FRMD4A: variants seen among roughly 807,000 people sequenced by gnomAD.
The protein encoded by FRMD4A is FERM domain-containing protein 4A.
A neutral mutation model predicts 129.1 loss-of-function variants in FRMD4A; 29 were observed. That is an observed-to-expected ratio of 0.22 (90% CI 0.17 to 0.31). The LOEUF (loss-of-function observed/expected upper bound fraction) is 0.31, where lower values mean the gene tolerates loss of function less well. Ranked by LOEUF, FRMD4A falls within the 10% of genes least tolerant of loss-of-function variation. FRMD4A has a pLI of 1.00. For missense variants in FRMD4A, 1,272 were observed against 1,375.8 expected (o/e 0.92, Z 1.19); for synonymous variants, 634 against 571.6 (o/e 1.11, Z -1.56).
intron 2 of FRMD4A, among the ~76,000 whole-genome samples, chr10:14,076,472 C>T (rs531782397): frequency 8.5e-5 from 13 of 152,140 alleles, no homozygotes; most frequent in African/African-American, 3.1e-4. Flanking sequence ...GACCCTGTCT[C>T]TACTAAAAAT....
intron 2 of FRMD4A, among the ~76,000 whole-genome samples, chr10:14,241,682 C>CAAAAAAAAAAAAA (rs1844048288): frequency 2.5e-5 from 1 of 40,758 alleles, no homozygotes; most frequent in Non-Finnish European, 4.3e-5. Flanking sequence ...TTTACCCTCC[C>CAAAAAAAAAAAAA]TAAAAAAAAA....
intron 2 of FRMD4A, among the ~76,000 whole-genome samples, chr10:14,106,334 T>C (rs935842709): frequency 1.3e-5 from 2 of 152,248 alleles, no homozygotes; most frequent in Non-Finnish European, 2.9e-5. Context: ...TCATTTAATT[T>C]CTTTGCTTCC....
intron 2 of FRMD4A, among the ~76,000 whole-genome samples, chr10:14,115,158 C>T (rs561893802): frequency 6.6e-6 from 1 of 152,196 alleles, no homozygotes; most frequent in Non-Finnish European, 1.5e-5. Context: ...TAGAGCAGGT[C>T]ACCTTCAAAA....
intron 15 of FRMD4A, chr10:13,693,426 G>A: frequency 1.6e-5 from 12 of 768,242 alleles, no homozygotes; most frequent in Non-Finnish European, 2.0e-5. Flanking sequence ...GAGAAATCAT[G>A]CCCTGCGACA....
intron 2 of FRMD4A, among the ~76,000 whole-genome samples, chr10:14,245,142 C>T (rs1844186455): frequency 2.0e-5 from 3 of 152,180 alleles, no homozygotes; most frequent in Admixed American, 2.0e-4. Context: ...CACAACCACA[C>T]TTACGCTTGG....
intron 6 of FRMD4A, among the ~76,000 whole-genome samples, chr10:13,765,633 A>G (rs370684557): frequency 1.3e-5 from 2 of 152,284 alleles, no homozygotes; most frequent in African/African-American, 4.8e-5. Context: ...AGAATTGGGG[A>G]CAATAATTCC....
chr10:14,093,305 A>C (rs1432687296), intron 2 of FRMD4A, among the ~76,000 whole-genome samples: 1 of 152,220 alleles, frequency 6.6e-6, no homozygotes, highest in Non-Finnish European at 1.5e-5. Flanking sequence ...GTGCACTAAG[A>C]TTTTAGTGTC....
intron 2 of FRMD4A, among the ~76,000 whole-genome samples, chr10:14,178,507 C>A (rs1841807350): frequency 6.6e-6 from 1 of 152,132 alleles, no homozygotes; most frequent in African/African-American, 2.4e-5. Context: ...GATGACTGCA[C>A]CTTTTATGTC....
At chr10:14,010,121 G>C (rs1231123591) in intron 2 of FRMD4A, among the ~76,000 whole-genome samples, 1 of 141,562 alleles carries the variant, frequency 7.1e-6, no homozygotes, top group Non-Finnish European at 1.6e-5. Context: ...TGGGGTCGGT[G>C]GGGGGGACAA....
chr10:13,778,904 C>T (rs1450471581), intron 6 of FRMD4A, among the ~76,000 whole-genome samples: 2 of 152,272 alleles, frequency 1.3e-5, no homozygotes, highest in Non-Finnish European at 2.9e-5. Flanking sequence ...CACATGTATA[C>T]CTATGTAACA....
chr10:13,940,617 A>C (rs2095284044), intron 2 of FRMD4A, among the ~76,000 whole-genome samples: 1 of 152,138 alleles, frequency 6.6e-6, no homozygotes. Context: ...TGGCGCTATC[A>C]CTGCTTCTTC....
chr10:13,943,026 T>C (rs1467437496), intron 2 of FRMD4A, among the ~76,000 whole-genome samples: 1 of 152,140 alleles, frequency 6.6e-6, no homozygotes, highest in African/African-American at 2.4e-5. Context: ...AAATATCTGA[T>C]CATAGAAAGG....
At chr10:13,853,843 A>AG (rs1420998373) in intron 3 of FRMD4A, among the ~76,000 whole-genome samples, 48 of 150,550 alleles carry the variant, frequency 3.2e-4, no homozygotes, top group Non-Finnish European at 6.4e-4. Context: ...AAAAAAAAAA[A>AG]AAAAAAAAAA....
chr10:14,218,603 C>T (rs534217814), intron 2 of FRMD4A, among the ~76,000 whole-genome samples: 3 of 152,180 alleles, frequency 2.0e-5, no homozygotes, highest in Middle Eastern at 3.4e-3. Context: ...CCTGTAATCC[C>T]GGTACTTTGG....
chr10:14,066,600 C>T (rs964758650), intron 2 of FRMD4A, among the ~76,000 whole-genome samples: 5 of 152,068 alleles, frequency 3.3e-5, no homozygotes, highest in Admixed American at 6.5e-5. Flanking sequence ...CACACAGCAT[C>T]CAAAGAATTC....
At position 13,921,270 on chromosome 10, in the gene FRMD4A, C is replaced by CTCTTCTCTCTTTCTCTCTTTCTT. The variant is rs1554970481; in HGVS notation, c.46-62359_46-62358insAAGAAAGAGAGAAAGAGAGAAGA. ...TCTTTCTCTCTCTCTCTCTCTTTCT[C>CTCTTCTCTCTTTCTCTCTTTCTT]TCTTTCTTTCTTGACAGATTCTCAC... On this transcript the variant is annotated intron_variant, in intron 2 of 24. Transcript: ENST00000357447. Among the ~76,000 whole-genome samples the CTCTTCTCTCTTTCTCTCTTTCTT allele has an allele frequency of 6.2e-4, 92 of 148,196 alleles. 1 individual carries two copies. Among genetic ancestry groups the CTCTTCTCTCTTTCTCTCTTTCTT allele is most frequent in the African/African-American group, 2.0e-4 (8 of 40,026 alleles).
intron 2 of FRMD4A, among the ~76,000 whole-genome samples, chr10:14,200,076 G>A (rs1842591402): frequency 1.4e-5 from 2 of 148,036 alleles, no homozygotes; most frequent in Non-Finnish European, 3.0e-5. Flanking sequence ...AGGCTGGAGT[G>A]CAGTGCAGTG....
At chr10:13,883,451 C>T (rs2094570204) in intron 2 of FRMD4A, among the ~76,000 whole-genome samples, 1 of 152,090 alleles carries the variant, frequency 6.6e-6, no homozygotes, top group South Asian at 2.1e-4. Context: ...GACATTGCAC[C>T]ACTGCACTCC....
At chr10:14,050,503 C>T (rs1022711097) in intron 2 of FRMD4A, among the ~76,000 whole-genome samples, 10 of 152,060 alleles carry the variant, frequency 6.6e-5, no homozygotes, top group African/African-American at 2.4e-4. Flanking sequence ...TACAGGGCTC[C>T]TGTCTTCTGT....
Sources: allele counts gnomAD v4.1 joint callset (sites outside exome capture counted in the v4.1 genomes callset), GRCh38; gene constraint gnomAD v4.1.1; transcripts MANE v1.5; gene names NCBI Gene and HGNC (gene_info 2026-07-23, HGNC 2026-07-21).